SPIDR: variants seen among roughly 807,000 people sequenced by gnomAD.
SPIDR encodes scaffold protein involved in DNA repair.
SPIDR carries 93 observed loss-of-function variants against 104.6 expected under a neutral mutation model. The observed-to-expected ratio is 0.89, with a 90% CI of 0.75 to 1.06. SPIDR has a LOEUF of 1.06. Ranked by LOEUF, SPIDR falls within the 50% of genes least tolerant of loss-of-function variation. SPIDR has a pLI of 0.00. For missense variants in SPIDR, 1,154 were observed against 1,111.2 expected (o/e 1.04, Z -0.55); for synonymous variants, 431 against 416.9 (o/e 1.03, Z -0.41).
chr8:47,337,731 T>C (rs1554610700), intron 5 of SPIDR, among the ~76,000 whole-genome samples: 5 of 152,110 alleles, frequency 3.3e-5, no homozygotes, highest in African/African-American at 1.2e-4. Context: ...ATTAGGTGTA[T>C]GGTCCGTTTT....
chr8:47,368,395 A>G (rs996391588), intron 5 of SPIDR, among the ~76,000 whole-genome samples: 1 of 133,130 alleles, frequency 7.5e-6, no homozygotes, highest in Admixed American at 8.2e-5. Flanking sequence ...GGATTTTGCT[A>G]GGGAGATCCC....
intron 10 of SPIDR, among the ~76,000 whole-genome samples, chr8:47,671,956 C>T (rs184478424): frequency 2.6e-5 from 4 of 151,958 alleles, no homozygotes; most frequent in African/African-American, 9.7e-5. Context: ...TGGTCTTTTT[C>T]CCCCCTTTGT....
At chr8:47,734,891 T>G (rs2085929815) in intron 19 of SPIDR, among the ~76,000 whole-genome samples, 1 of 152,190 alleles carries the variant, frequency 6.6e-6, no homozygotes, top group South Asian at 2.1e-4. Context: ...GAAGGAAGTT[T>G]GGGGCAAAGC....
At chr8:47,734,207 C>T (rs544255335) in intron 19 of SPIDR, among the ~76,000 whole-genome samples, 12 of 152,176 alleles carry the variant, frequency 7.9e-5, no homozygotes, top group Non-Finnish European at 1.6e-4. Context: ...CAGCTCTGGC[C>T]GGACCCCCTC....
At chr8:47,523,086 G>C (rs1314724190) in intron 8 of SPIDR, among the ~76,000 whole-genome samples, 1 of 151,760 alleles carries the variant, frequency 6.6e-6, no homozygotes, top group Admixed American at 6.6e-5. Flanking sequence ...CTGCAGCCTC[G>C]ACCTCCCAGG....
intron 10 of SPIDR, among the ~76,000 whole-genome samples, chr8:47,647,663 A>AGG (rs1247811464): frequency 4.5e-4 from 61 of 134,496 alleles, no homozygotes; most frequent in Non-Finnish European, 8.1e-4. Context: ...AGGGAGAGAG[A>AGG]GAGAGGGAGA....
At chr8:47,629,024 G>C (rs985523181) in intron 10 of SPIDR, among the ~76,000 whole-genome samples, 2 of 152,152 alleles carry the variant, frequency 1.3e-5, no homozygotes. Context: ...AAAAATATAA[G>C]GACTGAGATT....
In SPIDR at chr8:47,599,102, G is replaced by A; in HGVS notation, c.1450G>A (p.Val484Met). The A allele has an allele frequency of 6.2e-7, 1 of 1,612,914 alleles. No homozygotes were observed. Among genetic ancestry groups the A allele is most frequent in the Non-Finnish European group, 8.5e-7 (1 of 1,179,482 alleles). ...AASWPGAGVR[V>M]VVQRVYSLPS... Reference sequence around the variant, plus strand: ...CTCGTGGCCAGGAGCTGGAGTCCGAGTGGTGGTGCAAAGAGTGTATTCTCT... The same window carrying A: ...CTCGTGGCCAGGAGCTGGAGTCCGAATGGTGGTGCAAAGAGTGTATTCTCT... Residue 484 changes from valine to methionine, a missense_variant, in exon 10 of 20, where the codon GTG becomes ATG. Coordinates refer to ENST00000297423, the MANE Select transcript of SPIDR (RefSeq NM_001080394.4).
At chr8:47,299,248 C>G (rs1468477671) in intron 5 of SPIDR, among the ~76,000 whole-genome samples, 3 of 151,374 alleles carry the variant, frequency 2.0e-5, no homozygotes, top group Admixed American at 1.3e-4. Context: ...TGATTTGGCT[C>G]TCTGTCTGTT....
chr8:47,582,166 G>A (rs1420777852), intron 8 of SPIDR, among the ~76,000 whole-genome samples: 2 of 149,756 alleles, frequency 1.3e-5, no homozygotes, highest in South Asian at 2.1e-4. Context: ...GCGGTGAGCC[G>A]CCAAGATTGC....
At chr8:47,453,819 G>A (rs1003487528) in intron 8 of SPIDR, among the ~76,000 whole-genome samples, 1 of 152,010 alleles carries the variant, frequency 6.6e-6, no homozygotes. Flanking sequence ...CTGGGCAAAG[G>A]GTATGAACAG....
chr8:47,308,860 GC>G (rs1554583141), intron 5 of SPIDR, among the ~76,000 whole-genome samples: 1 of 152,248 alleles, frequency 6.6e-6, no homozygotes, highest in African/African-American at 2.4e-5. Flanking sequence ...CTGCCTTGGG[GC>G]TGAGGGTGGC....
At chr8:47,373,650 A>T (rs1189430154) in intron 5 of SPIDR, among the ~76,000 whole-genome samples, 1 of 152,134 alleles carries the variant, frequency 6.6e-6, no homozygotes, top group Non-Finnish European at 1.5e-5. Context: ...TTTTCAGTAG[A>T]TTAAGTCATC....
In SPIDR at chr8:47,515,700, G is replaced by A. The variant is rs138636110; in HGVS notation, c.1097+75158G>A. Among the ~76,000 whole-genome samples, 146 of 152,342 alleles carry A rather than the reference G, an allele frequency of 9.6e-4. 1 individual carries two copies. Among genetic ancestry groups the A allele is most frequent in the Non-Finnish European group, 1.7e-3 (116 of 68,040 alleles). ...GTTTTTCTATGCAGATCTCATAAGC[G>A]TATAGATATTTAATCCATTTGTTGA... On this transcript the variant is annotated intron_variant, in intron 8 of 19. Coordinates refer to ENST00000297423, the MANE Select transcript of SPIDR (RefSeq NM_001080394.4).
At chr8:47,296,431 T>A (rs1019188049) in intron 5 of SPIDR, among the ~76,000 whole-genome samples, 10 of 152,194 alleles carry the variant, frequency 6.6e-5, no homozygotes, top group African/African-American at 1.9e-4. Flanking sequence ...CATTTTTAGT[T>A]GATTTTGGTG....
intron 11 of SPIDR, among the ~76,000 whole-genome samples, chr8:47,693,843 C>A (rs1005741674): frequency 1.3e-5 from 2 of 152,228 alleles, no homozygotes; most frequent in Non-Finnish European, 2.9e-5. Flanking sequence ...TTCAAGACTG[C>A]TCGGCCTTTG....
intron 8 of SPIDR, among the ~76,000 whole-genome samples, chr8:47,589,241 C>T (rs1209477935): frequency 1.3e-5 from 2 of 151,854 alleles, no homozygotes; most frequent in Non-Finnish European, 2.9e-5. Flanking sequence ...ACAAATTTGG[C>T]CGGGCATGGT....
At chr8:47,465,583 A>C (rs1554716435) in intron 8 of SPIDR, among the ~76,000 whole-genome samples, 16 of 152,116 alleles carry the variant, frequency 1.1e-4, no homozygotes, top group Non-Finnish European at 2.4e-4. Context: ...AAATACAAAA[A>C]AATTAGCTGG....
intron 8 of SPIDR, among the ~76,000 whole-genome samples, chr8:47,441,962 A>G (rs1375269468): frequency 6.6e-6 from 1 of 152,028 alleles, no homozygotes; most frequent in Non-Finnish European, 1.5e-5. Flanking sequence ...ACCTACATAT[A>G]TTTTGGGCTA....
Sources: allele counts gnomAD v4.1 joint callset (sites outside exome capture counted in the v4.1 genomes callset), GRCh38; gene constraint gnomAD v4.1.1; transcripts MANE v1.5; gene names NCBI Gene and HGNC (gene_info 2026-07-23, HGNC 2026-07-21).